The following BCL2L13 variants were observed in gnomAD, a reference collection of about 807,000 sequenced individuals.
BCL2L13 encodes BCL2 like 13, also known as bcl-2-like protein 13.
BCL2L13 carries 13 observed loss-of-function variants against 25.8 expected under a neutral mutation model. The ratio of observed to expected loss-of-function variants is 0.50; its 90% CI spans 0.33 to 0.80. BCL2L13 has a LOEUF of 0.80. BCL2L13 is among the 30% of genes least tolerant of loss of function. The pLI is 0.02. For synonymous variants in BCL2L13, 244 were observed against 230.3 expected (o/e 1.06, Z -0.54); for missense variants, 504 against 574.9 (o/e 0.88, Z 1.26).
chr22:17,666,359 A>G (rs1218920484), intron 2 of BCL2L13, among the ~76,000 whole-genome samples: 1 of 152,154 alleles, frequency 6.6e-6, no homozygotes, highest in Admixed American at 6.6e-5. Context: ...TTTGAATTAC[A>G]AACAATTCAG....
In BCL2L13 at chr22:17,702,406, A is replaced by T. The variant is rs2060465323; in HGVS notation, c.600+20A>T. 1.3e-6 allele frequency: 2 copies of T among 1,514,746 alleles called. No individual in the cohort carries two copies. Among genetic ancestry groups the T allele is most frequent in the African/African-American group, 1.4e-5 (1 of 69,310 alleles). 93.8% of individuals were successfully genotyped at this position (1,514,746 alleles called of 1,614,324 possible). A position where few individuals can be genotyped will look rare whatever the true frequency, so the allele number is the denominator to read the frequency against. ...GGCTGGGTATGAGCTGTTATATATT[A>T]AAAATATTTTCTTGAAAAAAAATTA... On this transcript the variant is annotated intron_variant, in intron 6 of 6. Coordinates refer to ENST00000317582, the MANE Select transcript of BCL2L13 (RefSeq NM_015367.4).
intron 1 of BCL2L13, among the ~76,000 whole-genome samples, chr22:17,654,457 C>A (rs555357846): frequency 6.6e-6 from 1 of 151,250 alleles, no homozygotes; most frequent in African/African-American, 2.4e-5. Flanking sequence ...GAGTCTCGCT[C>A]TGTCGCCCAG....
chr22:17,652,879 A>G lies in BCL2L13; in HGVS notation c.-50-2783A>G, dbSNP rs1438439860. On this transcript the variant is annotated intron_variant, in intron 1 of 6. Transcript: ENST00000317582. ...GGAGATCGAGACCATCCTGGCTAACACGGTGAAACCCTGTCTCTACTAAAA... is the reference window on the plus strand; with the variant it reads ...GGAGATCGAGACCATCCTGGCTAACGCGGTGAAACCCTGTCTCTACTAAAA... 3.3e-5 allele frequency among the ~76,000 whole-genome samples: 5 copies of G among 152,260 alleles called. No homozygotes were observed. The East Asian group carries it at 7.7e-4, about 24-fold the overall frequency.
At chr22:17,638,190 G>C, upstream of BCL2L13, 1 of 153,154 alleles carries the variant, frequency 6.5e-6, no homozygotes, top group East Asian at 1.9e-4. Context: ...GGCGCTGTGT[G>C]TTCCAGGTAC....
intron 5 of BCL2L13, among the ~76,000 whole-genome samples, chr22:17,699,714 T>TG (rs2060374638): frequency 6.6e-6 from 1 of 152,114 alleles, no homozygotes; most frequent in Non-Finnish European, 1.5e-5. Flanking sequence ...AGTGGATGCC[T>TG]GGGGATCTAG....
chr22:17,673,987 A>C (rs929621611), intron 2 of BCL2L13, among the ~76,000 whole-genome samples: 1 of 152,166 alleles, frequency 6.6e-6, no homozygotes, highest in African/African-American at 2.4e-5. Context: ...ATATTTTTTT[A>C]GTCCATATTT....
At chr22:17,638,713 C>G, upstream of BCL2L13, 3 of 1,231,718 alleles carry the variant, frequency 2.4e-6, no homozygotes, top group Non-Finnish European at 3.0e-6. Context: ...AGTTCAGGTC[C>G]CGCCCCGACG....
At chr22:17,643,496 T>C (rs1373364413) in intron 1 of BCL2L13, among the ~76,000 whole-genome samples, 1 of 152,182 alleles carries the variant, frequency 6.6e-6, no homozygotes, top group Non-Finnish European at 1.5e-5. Context: ...AGAAAATAGC[T>C]TTGGACTCCA....
intron 6 of BCL2L13, among the ~76,000 whole-genome samples, chr22:17,712,513 A>G (rs1458563673): frequency 6.6e-6 from 1 of 152,170 alleles, no homozygotes; most frequent in Non-Finnish European, 1.5e-5. Flanking sequence ...TTGTAAAATT[A>G]CTCTGTACCT....
At chr22:17,655,878 C>CT in intron 2 of BCL2L13, 46 bp downstream of exon 2, 1 of 1,532,184 alleles carries the variant, frequency 6.5e-7, no homozygotes, top group Non-Finnish European at 8.9e-7. Flanking sequence ...GTAATAAGGA[C>CT]TTTATATATA....
chr22:17,657,963 C>T (rs540498918), intron 2 of BCL2L13, among the ~76,000 whole-genome samples: 131 of 148,756 alleles, frequency 8.8e-4, no homozygotes, highest in African/African-American at 3.1e-3. Context: ...GCTGGGATTA[C>T]AGGCGCATGC....
At position 17,730,234 on chromosome 22, in the gene BCL2L13, G is replaced by T. The variant is rs149790954; in HGVS notation, c.*2700G>T. The T allele has an allele frequency of 1.3e-5, 2 of 152,178 alleles. No homozygotes were observed. Among genetic ancestry groups the T allele is most frequent in the South Asian group, 4.1e-4 (2 of 4,824 alleles). The allele number at this position is 152,178 out of a possible 1,614,324, so 9.4% of individuals were successfully genotyped here. A position where few individuals can be genotyped will look rare whatever the true frequency, so the allele number is the denominator to read the frequency against. On this transcript the variant is annotated 3_prime_UTR_variant, in exon 7 of 7. Transcript: ENST00000317582. Reference sequence around the variant, plus strand: ...ACAGAAATCAGTCAGTACCTGCGGTGTGCCTTAAGGGGACTCTCATGATCA... The same window carrying T: ...ACAGAAATCAGTCAGTACCTGCGGTTTGCCTTAAGGGGACTCTCATGATCA...
chr22:17,665,330 A>G (rs1568945823), intron 2 of BCL2L13, among the ~76,000 whole-genome samples: 1 of 152,164 alleles, frequency 6.6e-6, no homozygotes. Context: ...TTTATCGCCC[A>G]TATCACTGTC....
rs188092319 is a variant in BCL2L13, at chr22:17,703,919, A to G, written c.600+1533A>G. 7.3e-4 allele frequency among the ~76,000 whole-genome samples: 111 copies of G among 152,328 alleles called. 1 individual carries two copies. The highest frequency in any genetic ancestry group is 6.4e-3 in the South Asian group (31 of 4,824). On this transcript the variant is annotated intron_variant, in intron 6 of 6. Coordinates refer to ENST00000317582, the MANE Select transcript of BCL2L13 (RefSeq NM_015367.4). ...TATGGTGCTTTACAACAAGGGAAGAAAAATGCAGGGAATATTATGCACTCC... is the reference window on the plus strand; with the variant it reads ...TATGGTGCTTTACAACAAGGGAAGAGAAATGCAGGGAATATTATGCACTCC...
chr22:17,695,863 C>A, intron 4 of BCL2L13: 2 of 279,470 alleles, frequency 7.2e-6, no homozygotes, highest in Non-Finnish European at 1.4e-5. Flanking sequence ...GCATAAAAAT[C>A]CTATCCTGTA....
intron 2 of BCL2L13, among the ~76,000 whole-genome samples, chr22:17,680,203 G>A (rs1476994613): frequency 9.8e-5 from 6 of 61,162 alleles, no homozygotes; most frequent in African/African-American, 1.2e-4. Context: ...CAGCAAGGGC[G>A]TAACTCTCTC....
chr22:17,641,816 T>TA (rs1320560326), intron 1 of BCL2L13, among the ~76,000 whole-genome samples: 1 of 150,708 alleles, frequency 6.6e-6, no homozygotes, highest in African/African-American at 2.5e-5. Context: ...TTTTTTTTTT[T>TA]TGAGAATGAG....
chr22:17,682,923 G>A (rs901430503), intron 2 of BCL2L13, among the ~76,000 whole-genome samples: 1 of 152,254 alleles, frequency 6.6e-6, no homozygotes, highest in Non-Finnish European at 1.5e-5. Context: ...CACAAGGTCA[G>A]GAGTTCGAGA....
At chr22:17,631,320 C>T (rs868606323) in intron 1 of BCL2L13, among the ~76,000 whole-genome samples, 8 of 151,958 alleles carry the variant, frequency 5.3e-5, no homozygotes, top group Middle Eastern at 6.8e-3. Flanking sequence ...GTTCTTGGAA[C>T]TCCTGAGCTC....
Sources: allele counts gnomAD v4.1 joint callset (sites outside exome capture counted in the v4.1 genomes callset), GRCh38; gene constraint gnomAD v4.1.1; transcripts MANE v1.5; gene names NCBI Gene and HGNC (gene_info 2026-07-23, HGNC 2026-07-21).